Variants in KLHL18 observed in about 807,000 individuals in gnomAD.
The protein encoded by KLHL18 is kelch like family member 18.
In KLHL18, 38 loss-of-function variants were observed where a neutral mutation model predicts 58.5. The observed-to-expected ratio is 0.65, with a 90% CI of 0.50 to 0.85. KLHL18 has a LOEUF of 0.85. KLHL18 is among the 40% of genes least tolerant of loss of function. The pLI is 0.00. For synonymous variants in KLHL18, 303 were observed against 301.9 expected (o/e 1.00, Z -0.04); for missense variants, 624 against 778.4 (o/e 0.80, Z 2.36).
intron 4 of KLHL18, among the ~76,000 whole-genome samples, chr3:47,332,229 C>T (rs985581183): frequency 6.6e-6 from 1 of 151,968 alleles, no homozygotes; most frequent in Non-Finnish European, 1.5e-5. Flanking sequence ...GCTTAAACTC[C>T]TGGCCTGTAA....
In KLHL18 at chr3:47,333,247, C is replaced by G; in HGVS notation, c.691C>G (p.Leu231Val). ...PELLSNIRLP[L>V]CRPQFLSDRV... ...GCTGCTGTCCAATATCCGCCTGCCC[C>G]TCTGTCGGCCCCAGTTCCTTTCAGA... Residue 231 changes from leucine to valine, a missense_variant, in exon 5 of 10, where the codon CTC becomes GTC. Transcript: ENST00000232766. 1 of 1,614,212 alleles carries G rather than the reference C, an allele frequency of 6.2e-7. No homozygotes were observed. The highest frequency in any genetic ancestry group is 8.5e-7 in the Non-Finnish European group (1 of 1,180,046).
At chr3:47,317,096 T>TGAGG (rs1399971399) in intron 1 of KLHL18, among the ~76,000 whole-genome samples, 1 of 152,178 alleles carries the variant, frequency 6.6e-6, no homozygotes, top group African/African-American at 2.4e-5. Context: ...CCCCTTCTTA[T>TGAGG]GAGGCTCTAC....
chr3:47,331,425 CTTTTTT>C (rs71098479), intron 4 of KLHL18, among the ~76,000 whole-genome samples: 9 of 58,538 alleles, frequency 1.5e-4, no homozygotes, highest in African/African-American at 6.5e-4. Context: ...CATGCCAGGC[CTTTTTT>C]TTTTTTTTTT....
chr3:47,317,554 A>G (rs2107624774), intron 1 of KLHL18, among the ~76,000 whole-genome samples: 1 of 152,344 alleles, frequency 6.6e-6, no homozygotes, highest in South Asian at 2.1e-4. Context: ...AGAAACAGAC[A>G]ACTTAAAACA....
chr3:47,297,454 G>A (rs972419619), intron 1 of KLHL18: 11 of 419,624 alleles, frequency 2.6e-5, no homozygotes, highest in Non-Finnish European at 4.8e-5. Context: ...TAGCTAGTGT[G>A]GTCTGTTTAT....
intron 1 of KLHL18, among the ~76,000 whole-genome samples, chr3:47,284,346 T>TTC (rs1195139624): frequency 1.3e-5 from 2 of 148,490 alleles, no homozygotes; most frequent in Non-Finnish European, 3.0e-5. Flanking sequence ...TCTTTTTTTT[T>TTC]TTTTTTTTGA....
chr3:47,316,949 C>T (rs1289444411), intron 1 of KLHL18, among the ~76,000 whole-genome samples: 4 of 151,544 alleles, frequency 2.6e-5, no homozygotes, highest in South Asian at 2.1e-4. Flanking sequence ...TCTCTAAAAA[C>T]AAAAGAACTA....
In KLHL18 at chr3:47,329,953, T is replaced by C; in HGVS notation, c.404T>C (p.Leu135Pro). The stretch of plus-strand genomic sequence containing the variant: ...TTTTTTCTTTCCTTATGCCAAAGGC[T>C]TCACCCAAAAAACTGCCTGGGTGTG... Reference protein sequence around the residue: ...DACCTFLRERLHPKNCLGVRQ... With the variant: ...DACCTFLRERPHPKNCLGVRQ... Residue 135 changes from leucine to proline, a missense_variant and splice_region_variant, in exon 4 of 10, where the codon CTT (leucine) becomes CCT (proline). Transcript: ENST00000232766. 2 of 1,614,024 alleles carry C rather than the reference T, an allele frequency of 1.2e-6. No individual in the cohort carries two copies. Among genetic ancestry groups the C allele is most frequent in the Non-Finnish European group, 1.7e-6 (2 of 1,179,928 alleles).
chr3:47,312,941 G>A (rs1703336972), intron 1 of KLHL18, among the ~76,000 whole-genome samples: 1 of 127,198 alleles, frequency 7.9e-6, no homozygotes, highest in Non-Finnish European at 1.6e-5. Flanking sequence ...ATGGAGTCTC[G>A]CTCTGTCGCC....
intron 1 of KLHL18, among the ~76,000 whole-genome samples, chr3:47,300,702 C>T (rs781155993): frequency 1.5e-4 from 18 of 118,234 alleles, no homozygotes; most frequent in Non-Finnish European, 1.9e-4. Context: ...TGCAATGGTG[C>T]GATCTCAGCT....
At chr3:47,284,669 CTT>C (rs961012600) in intron 1 of KLHL18, among the ~76,000 whole-genome samples, 1 of 152,124 alleles carries the variant, frequency 6.6e-6, no homozygotes, top group Non-Finnish European at 1.5e-5. Flanking sequence ...GTTAAGGAAA[CTT>C]TTCTTCTGCA....
At chr3:47,340,804 C>A in intron 8 of KLHL18, 128 bp downstream of exon 8, 1 of 910,202 alleles carries the variant, frequency 1.1e-6, no homozygotes, top group Non-Finnish European at 1.7e-6. Context: ...CCGTATAGTA[C>A]TTTGTATATA....
intron 5 of KLHL18, 137 bp downstream of exon 5, chr3:47,333,454 C>G: frequency 2.4e-6 from 2 of 836,118 alleles, no homozygotes; most frequent in East Asian, 2.8e-5. Flanking sequence ...GGTCTGCCCT[C>G]TGTCTAGAAG....
At chr3:47,302,924 G>C (rs1236702467) in intron 1 of KLHL18, among the ~76,000 whole-genome samples, 1 of 152,136 alleles carries the variant, frequency 6.6e-6, no homozygotes, top group African/African-American at 2.4e-5. Flanking sequence ...TGTCTTCCTT[G>C]TTGTCCAGCA....
At chr3:47,310,211 G>T (rs1451514320) in intron 1 of KLHL18, among the ~76,000 whole-genome samples, 1 of 152,200 alleles carries the variant, frequency 6.6e-6, no homozygotes. Flanking sequence ...CCTGCCTGTG[G>T]TAGGGAACAG....
At chr3:47,338,254 C>T (rs1469681859) in intron 7 of KLHL18, 1 of 152,260 alleles carries the variant, frequency 6.6e-6, no homozygotes, top group Non-Finnish European at 1.5e-5. Flanking sequence ...TCACACTCGC[C>T]TTTACCACCT....
chr3:47,301,070 ATTG>A (rs999938476), intron 1 of KLHL18, among the ~76,000 whole-genome samples: 2 of 151,680 alleles, frequency 1.3e-5, no homozygotes, highest in African/African-American at 4.9e-5. Context: ...TTCTCATTGG[ATTG>A]TTTTTTGTTT....
chr3:47,293,780 A>G (rs908162373), intron 1 of KLHL18, among the ~76,000 whole-genome samples: 1 of 152,154 alleles, frequency 6.6e-6, no homozygotes, highest in Non-Finnish European at 1.5e-5. Context: ...CCTCATACTC[A>G]TTATGTCTAA....
At chr3:47,340,062 G>C (rs924035443) in intron 7 of KLHL18, among the ~76,000 whole-genome samples, 3 of 152,166 alleles carry the variant, frequency 2.0e-5, no homozygotes, top group Non-Finnish European at 2.9e-5. Flanking sequence ...ATTACACACA[G>C]AAGTGGCAGA....
Sources: allele counts gnomAD v4.1 joint callset (sites outside exome capture counted in the v4.1 genomes callset), GRCh38; gene constraint gnomAD v4.1.1; transcripts MANE v1.5; gene names NCBI Gene and HGNC (gene_info 2026-07-23, HGNC 2026-07-21).